Variants in TIAM1 observed in about 807,000 individuals in gnomAD.
The protein encoded by TIAM1 is rho guanine nucleotide exchange factor TIAM1.
In TIAM1, 65 loss-of-function variants were observed where a neutral mutation model predicts 163.5. The observed-to-expected ratio is 0.40, with a 90% confidence interval of 0.33 to 0.49. The LOEUF is 0.49. Ranked by LOEUF, TIAM1 falls within the 20% of genes least tolerant of loss-of-function variation. The pLI, the probability that TIAM1 is intolerant of heterozygous loss-of-function variation, is 0.77. For synonymous variants in TIAM1, 833 were observed against 810.1 expected (o/e 1.03, Z -0.48); for missense variants, 1,789 against 2,044.7 (o/e 0.87, Z 2.41).
intron 2 of TIAM1, among the ~76,000 whole-genome samples, chr21:31,421,743 G>A (rs144056208): frequency 5.3e-5 from 8 of 152,236 alleles, no homozygotes; most frequent in Non-Finnish European, 8.8e-5. Flanking sequence ...TAATCCCAAC[G>A]TTGTGGAAGG....
rs116782335 is a variant in TIAM1, at chr21:31,337,455, C to T, written c.-189+1788G>A. On this transcript the variant is annotated intron_variant, in intron 2 of 27. Transcript: ENST00000541036. The stretch of plus-strand genomic sequence containing the variant: ...TGAAGGGGACCCAAAGGGATAGGGG[C>T]TGAACATGGACAGCCGGTGCTCCAA... 7.7e-3 allele frequency among the ~76,000 whole-genome samples: 1,164 copies of T among 152,012 alleles called. 14 individuals are homozygous for T. The highest frequency in any genetic ancestry group is 0.027 in the African/African-American group (1,117 of 41,410).
rs558554212 is a variant in TIAM1, at chr21:31,310,995, T to C, written c.-189+28248A>G. On this transcript the variant is annotated intron_variant, in intron 2 of 27. Transcript: ENST00000541036. ...CATTCCAATTTTTCTTAAGAGAAAA[T>C]AGAGTGCAAACTTGTCTTAGCAAGT... Among the ~76,000 whole-genome samples the C allele has an allele frequency of 3.3e-5, 5 of 152,260 alleles. No individual in the cohort carries two copies. The South Asian group carries it at 8.3e-4, about 25-fold the overall frequency.
chr21:31,477,194 CCA>C (rs2045960130), intron 1 of TIAM1, among the ~76,000 whole-genome samples: 1 of 152,124 alleles, frequency 6.6e-6, no homozygotes, highest in Non-Finnish European at 1.5e-5. Flanking sequence ...AGGGAGGTTT[CCA>C]CAGTCTGTGA....
At chr21:31,438,978 GCAAGAAAGAGATC>G (rs1425365755) in intron 2 of TIAM1, among the ~76,000 whole-genome samples, 1 of 152,112 alleles carries the variant, frequency 6.6e-6, no homozygotes, top group African/African-American at 2.4e-5. Flanking sequence ...GATAATAAAC[GCAAGAAAGAGATC>G]CACTAGAGCT....
intron 2 of TIAM1, among the ~76,000 whole-genome samples, chr21:31,365,387 C>T (rs187352924): frequency 0.026 from 3,394 of 128,720 alleles, 72 homozygotes; most frequent in African/African-American, 0.057. Context: ...TTATTTCTTT[C>T]TTTTTTTTTT....
intron 2 of TIAM1, among the ~76,000 whole-genome samples, chr21:31,423,200 G>A (rs1456864138): frequency 7.1e-6 from 1 of 140,154 alleles, no homozygotes; most frequent in Non-Finnish European, 1.5e-5. Flanking sequence ...CCGGGTTCAC[G>A]CCATTCTCCT....
intron 6 of TIAM1, among the ~76,000 whole-genome samples, chr21:31,237,161 T>C (rs1240664556): frequency 6.6e-6 from 1 of 152,218 alleles, no homozygotes. Context: ...GGCTCACCTG[T>C]TGGCCAGGGT....
In TIAM1 at chr21:31,118,878, G is replaced by C. The variant is rs751847580; in HGVS notation, c.*1490C>G. 15 of 337,054 alleles carry C rather than the reference G, an allele frequency of 4.5e-5. No homozygotes were observed. Among genetic ancestry groups the C allele is most frequent in the Non-Finnish European group, 6.9e-5 (12 of 172,760 alleles). 20.9% of individuals were successfully genotyped at this position (337,054 alleles called of 1,614,324 possible). A position where few individuals can be genotyped will look rare whatever the true frequency, so the allele number is the denominator to read the frequency against. ...GCAGGAAAAGCAGGCAGAGGCACAA[G>C]AGCATGATGTACTGAACTCTCTATT... On this transcript the variant is annotated 3_prime_UTR_variant, in exon 28 of 28. Transcript: ENST00000541036.
At chr21:31,271,619 A>C (rs902410970) in intron 3 of TIAM1, among the ~76,000 whole-genome samples, 1 of 152,174 alleles carries the variant, frequency 6.6e-6, no homozygotes, top group African/African-American at 2.4e-5. Flanking sequence ...ATTCCACTGA[A>C]TTCTTGCCTC....
chr21:31,557,626 C>A (rs1053221349), intron 1 of TIAM1, among the ~76,000 whole-genome samples: 1 of 152,196 alleles, frequency 6.6e-6, no homozygotes, highest in Admixed American at 6.5e-5. Flanking sequence ...GCCAAGTCAG[C>A]GTGCATGGGT....
chr21:31,134,337 CAAGAAGAAATCACTA>C (rs746727030), intron 23 of TIAM1, among the ~76,000 whole-genome samples: 23 of 152,156 alleles, frequency 1.5e-4, no homozygotes, highest in Middle Eastern at 3.4e-3. Context: ...CAGACTCCTC[CAAGAAGAAATCACTA>C]TAGAAGAAAC....
In TIAM1 at chr21:31,394,377, A is replaced by G. The variant is rs114673416; in HGVS notation, c.-368-54955T>C. On this transcript the variant is annotated intron_variant, in intron 2 of 28. Coordinates refer to the TIAM1 transcript ENST00000286827. ...AGGAGGGATGAACAGGCAGAGCACAAAAGATTTTTAGGGCAGTGAAACTAA... is the reference window on the plus strand; with the variant it reads ...AGGAGGGATGAACAGGCAGAGCACAGAAGATTTTTAGGGCAGTGAAACTAA... Among the ~76,000 whole-genome samples, 1,080 of 152,330 alleles carry G rather than the reference A, an allele frequency of 7.1e-3. 14 individuals carry two copies. The highest frequency in any genetic ancestry group is 0.025 in the African/African-American group (1,020 of 41,566).
chr21:31,320,186 G>C (rs1025090002), intron 2 of TIAM1, among the ~76,000 whole-genome samples: 1 of 152,100 alleles, frequency 6.6e-6, no homozygotes, highest in African/African-American at 2.4e-5. Context: ...ACTACAACAT[G>C]AATGAACCTT....
At chr21:31,247,910 A>G (rs1392647994) in intron 5 of TIAM1, among the ~76,000 whole-genome samples, 2 of 152,136 alleles carry the variant, frequency 1.3e-5, no homozygotes, top group African/African-American at 2.4e-5. Context: ...AATAACAAAA[A>G]TGGGAGGGGG....
At chr21:31,455,279 CAAAAA>C (rs59134253) in intron 2 of TIAM1, among the ~76,000 whole-genome samples, 1 of 84,026 alleles carries the variant, frequency 1.2e-5, no homozygotes, top group Non-Finnish European at 2.2e-5. Context: ...AACTCTGCCT[CAAAAA>C]AAAAAAAAAA....
intron 4 of TIAM1, among the ~76,000 whole-genome samples, chr21:31,265,508 C>T (rs1157345944): frequency 7.1e-6 from 1 of 141,570 alleles, no homozygotes; most frequent in East Asian, 2.1e-4. Flanking sequence ...GGTAAGGCAG[C>T]GAGCCTGCCA....
chr21:31,358,546 G>T (rs1431943815), intron 2 of TIAM1, among the ~76,000 whole-genome samples: 1 of 152,002 alleles, frequency 6.6e-6, no homozygotes, highest in Non-Finnish European at 1.5e-5. Context: ...TGAGCTAAGG[G>T]CAATTGAACC....
chr21:31,154,841 G>T (rs1008870822), intron 16 of TIAM1, among the ~76,000 whole-genome samples: 1 of 152,148 alleles, frequency 6.6e-6, no homozygotes, highest in African/African-American at 2.4e-5. Context: ...AGACATAAAA[G>T]TTAGCTGCAT....
chr21:31,182,713 T>G, intron 14 of TIAM1, 68 bp from the exon 15 acceptor site: 8 of 1,490,476 alleles, frequency 5.4e-6, no homozygotes, highest in Non-Finnish European at 6.4e-6. Flanking sequence ...TTAGGAGCTC[T>G]GCTATAAAGG....
Sources: gnomAD v4.1 joint callset for allele counts (sites outside exome capture counted in the v4.1 genomes callset) on GRCh38, gnomAD v4.1.1 for gene constraint, MANE v1.5 for transcripts, NCBI Gene and HGNC (gene_info 2026-07-23, HGNC 2026-07-21) for gene names.